GTF2A1: variants seen among roughly 807,000 people sequenced by gnomAD.
GTF2A1 encodes the protein transcription initiation factor IIA subunit 1.
In GTF2A1, 12 loss-of-function variants were observed where a neutral mutation model predicts 54.1. The ratio of observed to expected loss-of-function variants is 0.22; its 90% CI spans 0.14 to 0.36. GTF2A1 has a LOEUF of 0.36. Among genes scored for constraint, GTF2A1 ranks in the 10% least tolerant of loss-of-function variants. GTF2A1 has a pLI of 1.00. For missense variants in GTF2A1, 335 were observed against 442.2 expected (o/e 0.76, Z 2.17); for synonymous variants, 145 against 152.0 (o/e 0.95, Z 0.34).
In GTF2A1 at chr14:81,192,561, T is replaced by C. The variant is rs1566853941; in HGVS notation, c.891A>G (p.Glu297=). The change falls in exon 7 of 9, where the codon GAA becomes GAG. Residue 297 remains glutamate (E), a synonymous_variant. Coordinates refer to ENST00000553612, the MANE Select transcript of GTF2A1 (RefSeq NM_015859.4). The part of the protein sequence containing the change: ...EEEDYDDDEE[E]DKEKDGAEDG... ...CTTCAGCTCCATCTTTCTCTTTGTCTTCCTCCTCATCATCATCATAGTCTT... is the reference window on the plus strand; with the variant it reads ...CTTCAGCTCCATCTTTCTCTTTGTCCTCCTCCTCATCATCATCATAGTCTT... 5 of 1,613,474 alleles carry C rather than the reference T, an allele frequency of 3.1e-6. No homozygotes were observed. The highest frequency in any genetic ancestry group is 4.2e-6 in the Non-Finnish European group (5 of 1,179,522).
In GTF2A1 at chr14:81,220,954, A is replaced by G; in HGVS notation, c.-436T>C. 1 of 165,882 alleles carries G rather than the reference A, an allele frequency of 6.0e-6. No individual in the cohort carries two copies. Among genetic ancestry groups the G allele is most frequent in the Non-Finnish European group, 1.3e-5 (1 of 78,704 alleles). The allele number at this position is 165,882 out of a possible 1,614,324, so 10.3% of individuals were successfully genotyped here. A position where few individuals can be genotyped will look rare whatever the true frequency, so the allele number is the denominator to read the frequency against. ...ACCACCGCCGCCGCCGCCGCCGCCG[A>G]GAGACAGGGTGAAGGGGGAGGGAGG... On this transcript the variant is annotated 5_prime_UTR_variant, in exon 1 of 9. Transcript: ENST00000553612.
At chr14:81,193,604 A>G (rs1892924896) in intron 6 of GTF2A1, among the ~76,000 whole-genome samples, 1 of 152,182 alleles carries the variant, frequency 6.6e-6, no homozygotes. Context: ...TGGCAACTTA[A>G]AAAGTACTGA....
chr14:81,184,084 A>G (rs1458228699), intron 8 of GTF2A1, among the ~76,000 whole-genome samples: 1 of 152,226 alleles, frequency 6.6e-6, no homozygotes, highest in Non-Finnish European at 1.5e-5. Flanking sequence ...TTACTAATTT[A>G]AAACAGTAAA....
Position 81,179,140 on chromosome 14 carries a change from T to C in GTF2A1, c.*1083A>G, listed in dbSNP as rs1392938348. 3 of 152,256 alleles carry C rather than the reference T, an allele frequency of 2.0e-5. No homozygotes were observed. Among genetic ancestry groups the C allele is most frequent in the Admixed American group, 6.5e-5 (1 of 15,284 alleles). 9.4% of individuals were successfully genotyped at this position (152,256 alleles called of 1,614,324 possible). A position where few individuals can be genotyped will look rare whatever the true frequency, so the allele number is the denominator to read the frequency against. On this transcript the variant is annotated 3_prime_UTR_variant, in exon 9 of 9. Transcript: ENST00000553612. ...CAAATTTTCCCCTCAAATTACAAAG[T>C]TGATTTTAAAAACTTGTTGAATTAG...
intron 2 of GTF2A1, among the ~76,000 whole-genome samples, chr14:81,211,888 T>C (rs1893376807): frequency 2.2e-5 from 3 of 137,528 alleles, no homozygotes; most frequent in East Asian, 2.1e-4. Flanking sequence ...TATATATATA[T>C]ATATATATAT....
intron 4 of GTF2A1, among the ~76,000 whole-genome samples, chr14:81,199,847 A>G (rs1291745020): frequency 6.6e-6 from 1 of 152,200 alleles, no homozygotes. Context: ...GGGGCCTACC[A>G]CAAGAGACTC....
At chr14:81,214,248 T>C (rs1893436695) in intron 2 of GTF2A1, among the ~76,000 whole-genome samples, 1 of 152,192 alleles carries the variant, frequency 6.6e-6, no homozygotes, top group East Asian at 1.9e-4. Flanking sequence ...CCTTAACATT[T>C]ATTAACTGTG....
chr14:81,220,261 C>T (rs1289881234), intron 1 of GTF2A1, among the ~76,000 whole-genome samples: 1 of 145,044 alleles, frequency 6.9e-6, no homozygotes, highest in Non-Finnish European at 1.5e-5. Context: ...GGCCCCAGGC[C>T]CCACCGGCGC....
intron 6 of GTF2A1, among the ~76,000 whole-genome samples, chr14:81,193,442 A>T (rs1892921274): frequency 6.6e-6 from 1 of 152,134 alleles, no homozygotes; most frequent in Admixed American, 6.5e-5. Flanking sequence ...TACAGGCGTG[A>T]GCCACAACGC....
intron 1 of GTF2A1, among the ~76,000 whole-genome samples, chr14:81,218,125 G>A (rs1169736639): frequency 6.7e-6 from 1 of 150,074 alleles, no homozygotes; most frequent in Admixed American, 6.6e-5. Flanking sequence ...ATTACTCCTC[G>A]AGGCGTTAGG....
chr14:81,202,771 T>G, intron 3 of GTF2A1: 1 of 518,358 alleles, frequency 1.9e-6, no homozygotes, highest in East Asian at 5.5e-5. Context: ...AAAATCAAAT[T>G]TTAATTTATG....
chr14:81,184,364 T>A (rs528596655), intron 8 of GTF2A1, among the ~76,000 whole-genome samples: 162 of 152,310 alleles, frequency 1.1e-3, no homozygotes, highest in Middle Eastern at 3.4e-3. Flanking sequence ...AACCTCATAG[T>A]CTTGCTCTAT....
intron 2 of GTF2A1, among the ~76,000 whole-genome samples, chr14:81,213,237 AAACT>A (rs1274565247): frequency 7.2e-5 from 11 of 152,338 alleles, no homozygotes; most frequent in Middle Eastern, 3.4e-3. Flanking sequence ...TGTCATTTAA[AAACT>A]AACCATTAAA....
Position 81,197,477 on chromosome 14 carries a change from G to T in GTF2A1, c.410C>A (p.Ala137Asp). ...QHMNASNMSA[A>D]ATAATLALPA... ...GAGTGCTAAGGTAGCAGCTGTAGCA[G>T]CAGCACTCTGAAAAAAACAAAGAAA... The change falls in exon 5 of 9, where the codon GCT becomes GAT. Residue 137 changes from alanine (A) to aspartate (D), a missense_variant. Physicochemically the swap from Ala to Asp is moderately radical, Grantham distance 126. Transcript: ENST00000553612. 1 of 1,565,528 alleles carries T rather than the reference G, an allele frequency of 6.4e-7. No individual in the cohort carries two copies. Among genetic ancestry groups the T allele is most frequent in the Non-Finnish European group, 8.7e-7 (1 of 1,144,554 alleles).
intron 7 of GTF2A1, among the ~76,000 whole-genome samples, chr14:81,187,726 T>C (rs913293029): frequency 6.6e-6 from 1 of 152,240 alleles, no homozygotes; most frequent in African/African-American, 2.4e-5. Context: ...TCCACTGTTA[T>C]CAGCTGATGA....
In GTF2A1 at chr14:81,179,002, T is replaced by C. The variant is rs1211337932; in HGVS notation, c.*1221A>G. ...TTATTTTTAATATACAAGTCAAATTTCTATGCTTTCTTCCCAATGTGCAAA... is the reference window on the plus strand; with the variant it reads ...TTATTTTTAATATACAAGTCAAATTCCTATGCTTTCTTCCCAATGTGCAAA... On this transcript the variant is annotated 3_prime_UTR_variant, in exon 9 of 9. Coordinates refer to ENST00000553612, the MANE Select transcript of GTF2A1 (RefSeq NM_015859.4). 6.6e-6 allele frequency: 1 copy of C among 152,188 alleles called. No homozygotes were observed. Among genetic ancestry groups the C allele is most frequent in the Non-Finnish European group, 1.5e-5 (1 of 68,032 alleles). 9.4% of individuals were successfully genotyped at this position (152,188 alleles called of 1,614,324 possible). A position where few individuals can be genotyped will look rare whatever the true frequency, so the allele number is the denominator to read the frequency against.
At chr14:81,204,784 CTA>C (rs1325393526) in intron 2 of GTF2A1, among the ~76,000 whole-genome samples, 32 of 152,186 alleles carry the variant, frequency 2.1e-4, no homozygotes, top group African/African-American at 7.5e-4. Context: ...ACCTTAGGTT[CTA>C]TGATGGGAAA....
intron 8 of GTF2A1, among the ~76,000 whole-genome samples, chr14:81,184,562 AGT>A (rs1892701984): frequency 1.3e-5 from 2 of 152,166 alleles, no homozygotes; most frequent in Admixed American, 1.3e-4. Context: ...TAAGATCCAT[AGT>A]GTTGGCATTC....
At position 81,196,314 on chromosome 14, in the gene GTF2A1, A is replaced by C. The variant is rs559636069; in HGVS notation, c.479-73T>G. 2.6e-5 allele frequency: 37 copies of C among 1,445,066 alleles called. No individual in the cohort carries two copies. The African/African-American group carries it at 4.2e-4, about 16-fold the overall frequency. 89.5% of individuals were successfully genotyped at this position (1,445,066 alleles called of 1,614,324 possible). On this transcript the variant is annotated intron_variant, in intron 5 of 8. Transcript: ENST00000553612. ...TCTCAAAAGAAATGAATTCATATTT[A>C]ATTTCATACCACCAAAGGCACAAGA...
Sources: gnomAD v4.1 joint callset for allele counts (sites outside exome capture counted in the v4.1 genomes callset) on GRCh38, gnomAD v4.1.1 for gene constraint, MANE v1.5 for transcripts, NCBI Gene and HGNC (gene_info 2026-07-23, HGNC 2026-07-21) for gene names.